Variants in KPNB1 observed in about 807,000 individuals in gnomAD.
The protein encoded by KPNB1 is karyopherin subunit beta 1, also known as importin subunit beta-1.
Under a neutral mutation model 113.0 loss-of-function variants are expected in KPNB1, and 7 were observed. The ratio of observed to expected loss-of-function variants is 0.06; its 90% CI spans 0.04 to 0.12. KPNB1 has a LOEUF of 0.12. Among genes scored for constraint, KPNB1 ranks in the 10% least tolerant of loss-of-function variants. The pLI is 1.00. For synonymous variants in KPNB1, 363 were observed against 378.6 expected (o/e 0.96, Z 0.48); for missense variants, 400 against 1,054.8 (o/e 0.38, Z 8.60).
At chr17:47,656,058 G>C (rs1305355132) in intron 3 of KPNB1, among the ~76,000 whole-genome samples, 1 of 151,932 alleles carries the variant, frequency 6.6e-6, no homozygotes, top group Admixed American at 6.6e-5. Context: ...GTTTGAGACT[G>C]TCCTGGCCAA....
At chr17:47,661,018 C>G (rs2030076436) in intron 5 of KPNB1, 101 bp from the exon 6 acceptor site, 1 of 870,264 alleles carries the variant, frequency 1.1e-6, no homozygotes, top group African/African-American at 1.7e-5. Flanking sequence ...GTGTGGGGCC[C>G]TGAGGGGGAG....
At chr17:47,655,593 C>G (rs1915695747) in intron 3 of KPNB1, among the ~76,000 whole-genome samples, 1 of 152,104 alleles carries the variant, frequency 6.6e-6, no homozygotes, top group Non-Finnish European at 1.5e-5. Context: ...TGTTTCAGCC[C>G]ACGTCTCATG....
In KPNB1 at chr17:47,674,715, C is replaced by A; in HGVS notation, c.1845C>A (p.Phe615Leu). Residue 615 changes from phenylalanine to leucine, a missense_variant, in exon 15 of 22, where the codon TTC (phenylalanine) becomes TTA (leucine). Around this residue, in one of 2 missense-constraint regions of KPNB1, gnomAD observed 115 missense variants for 427.9 expected, o/e 0.27. Coordinates refer to ENST00000290158, the MANE Select transcript of KPNB1 (RefSeq NM_002265.6). Reference protein sequence around the residue: ...DVVMASLLRMFQSTAGSGGVQ... With the variant: ...DVVMASLLRMLQSTAGSGGVQ... ...TTATGGCCTCCCTGTTAAGGATGTT[C>A]CAAAGCACAGCTGGGTCTGGGGGAG... 6.2e-7 allele frequency: 1 copy of A among 1,614,148 alleles called. No individual in the cohort carries two copies. Among genetic ancestry groups the A allele is most frequent in the African/African-American group, 1.3e-5 (1 of 75,060 alleles).
Position 47,677,076 on chromosome 17 carries a change from C to T in KPNB1, c.2052C>T (p.Asn684=). ...ACTTGTGCCGTGCCCTGCAATCCAA[C>T]ATCATACCTTTCTGTGACGAGGTGA... The part of the protein sequence containing the change: ...VGDLCRALQS[N]IIPFCDEVMQ... The change falls in exon 17 of 22, where the codon AAC becomes AAT. Residue 684 remains asparagine (N), a synonymous_variant. Coordinates refer to ENST00000290158, the MANE Select transcript of KPNB1 (RefSeq NM_002265.6). 1.2e-6 allele frequency: 2 copies of T among 1,614,110 alleles called. No homozygotes were observed. The highest frequency in any genetic ancestry group is 3.3e-4 in the Middle Eastern group (2 of 6,062).
intron 3 of KPNB1, among the ~76,000 whole-genome samples, chr17:47,655,818 G>C (rs1915701547): frequency 6.6e-6 from 1 of 152,102 alleles, no homozygotes; most frequent in African/African-American, 2.4e-5. Flanking sequence ...TGTAACTTCT[G>C]GTTTCCCACC....
chr17:47,649,925 C>G lies in KPNB1; in HGVS notation c.-320C>G. On this transcript the variant is annotated 5_prime_UTR_variant, in exon 1 of 22. Transcript: ENST00000290158. ...CCTTCCTCCCTCCCTCGCTCCCTCC[C>G]TGCGCGCCGCCTCTCACTCACAGCC... 4 of 1,280,636 alleles carry G rather than the reference C, an allele frequency of 3.1e-6. No individual in the cohort carries two copies. The highest frequency in any genetic ancestry group is 6.9e-5 in the East Asian group (2 of 29,182). 79.3% of individuals were successfully genotyped at this position (1,280,636 alleles called of 1,614,324 possible).
intron 7 of KPNB1, among the ~76,000 whole-genome samples, chr17:47,663,544 A>G (rs1014163071): frequency 6.6e-6 from 1 of 152,158 alleles, no homozygotes; most frequent in South Asian, 2.1e-4. Context: ...CGTGCCTGTA[A>G]TCCCAGCTAC....
At chr17:47,675,935 CTGGAG>C (rs1186872971) in intron 15 of KPNB1, among the ~76,000 whole-genome samples, 1 of 152,206 alleles carries the variant, frequency 6.6e-6, no homozygotes, top group Non-Finnish European at 1.5e-5. Context: ...ATTTTGGCTC[CTGGAG>C]TGGCTGATTT....
intron 19 of KPNB1, 180 bp from the exon 20 acceptor site, chr17:47,679,840 G>A (rs1179075473): frequency 1.1e-5 from 5 of 464,270 alleles, no homozygotes; most frequent in South Asian, 2.1e-5. Flanking sequence ...GGGACTACAG[G>A]CGCCCGCCAC....
chr17:47,657,301 A>G (rs1481985362), intron 4 of KPNB1, among the ~76,000 whole-genome samples: 6 of 152,208 alleles, frequency 3.9e-5, no homozygotes, highest in Admixed American at 2.6e-4. Context: ...AGAGTCTTAG[A>G]TTCTAGACTT....
At chr17:47,665,939 T>C (rs1344686650) in intron 9 of KPNB1, among the ~76,000 whole-genome samples, 2 of 152,244 alleles carry the variant, frequency 1.3e-5, no homozygotes, top group Non-Finnish European at 2.9e-5. Context: ...TAGGGATGTG[T>C]ATAATTCTCA....
Position 47,650,460 on chromosome 17 carries a change from C to G in KPNB1, c.99+16C>G, listed in dbSNP as rs1231275874. The G allele has an allele frequency of 6.3e-7, 1 of 1,595,116 alleles. No homozygotes were observed. Among genetic ancestry groups the G allele is most frequent in the Admixed American group, 1.7e-5 (1 of 57,818 alleles). On this transcript the variant is annotated intron_variant, in intron 2 of 21. Transcript: ENST00000290158. ...GGAGAACCTGGTGCGTGCTACCCCG[C>G]CGCGCCCATCCCGCCGCGTCCCCAT...
At chr17:47,663,711 A>G (rs1025494116) in intron 7 of KPNB1, among the ~76,000 whole-genome samples, 2 of 150,920 alleles carry the variant, frequency 1.3e-5, no homozygotes, top group African/African-American at 4.9e-5. Flanking sequence ...GAGGCTGGGC[A>G]TGGTGGCTCA....
chr17:47,668,819 A>AT (rs2030364457), intron 10 of KPNB1, among the ~76,000 whole-genome samples: 2 of 152,020 alleles, frequency 1.3e-5, no homozygotes, highest in Non-Finnish European at 1.5e-5. Context: ...ATTCCCCATA[A>AT]TTTTTAATAA....
At chr17:47,665,385 C>T (rs1402907629) in intron 9 of KPNB1, among the ~76,000 whole-genome samples, 1 of 152,108 alleles carries the variant, frequency 6.6e-6, no homozygotes. Context: ...AGGAATGAGC[C>T]ACATGCTGCT....
intron 13 of KPNB1, 148 bp downstream of exon 13, chr17:47,673,313 C>G (rs894235577): frequency 1.1e-6 from 1 of 940,680 alleles, no homozygotes; most frequent in Non-Finnish European, 1.6e-6. Context: ...AAACATTGCA[C>G]CTTAACGTTA....
intron 2 of KPNB1, among the ~76,000 whole-genome samples, chr17:47,652,304 T>C (rs1255263140): frequency 6.6e-6 from 1 of 152,174 alleles, no homozygotes; most frequent in African/African-American, 2.4e-5. Flanking sequence ...TTAACAAACA[T>C]TGAGTACCAG....
chr17:47,664,987 C>T, intron 8 of KPNB1, 70 bp from the exon 9 acceptor site: 1 of 1,041,920 alleles, frequency 9.6e-7, no homozygotes, highest in Non-Finnish European at 1.5e-6. Context: ...CCCTGTTCGG[C>T]TCTCATTGTA....
intron 21 of KPNB1, among the ~76,000 whole-genome samples, chr17:47,681,854 G>A (rs146698519): frequency 2.0e-5 from 3 of 151,660 alleles, no homozygotes; most frequent in East Asian, 3.9e-4. Context: ...TTTGTTTGGA[G>A]ACAGAGTCTC....
Sources: allele counts gnomAD v4.1 joint callset (sites outside exome capture counted in the v4.1 genomes callset), GRCh38; gene constraint gnomAD v4.1.1; regional missense constraint gnomAD v4.1.1; transcripts MANE v1.5; gene names NCBI Gene and HGNC (gene_info 2026-07-23, HGNC 2026-07-21).